The following SORCS2 variants were observed in gnomAD, a reference collection of about 807,000 sequenced individuals.
The protein encoded by SORCS2 is VPS10 domain-containing receptor SorCS2.
In SORCS2, 100 loss-of-function variants were observed where a neutral mutation model predicts 141.6. The ratio of observed to expected loss-of-function variants is 0.71; its 90% CI spans 0.60 to 0.83. SORCS2 has a LOEUF of 0.83. Ranked by LOEUF, SORCS2 falls within the 40% of genes least tolerant of loss-of-function variation. The probability of loss-of-function intolerance (pLI) is 0.00; values close to 1 mark genes in which losing one functional copy is unlikely to be tolerated. For missense variants in SORCS2, 1,646 were observed against 1,560.2 expected, an observed-to-expected ratio of 1.05 and a Z score of -0.93; for synonymous variants, 789 against 676.9, an observed-to-expected ratio of 1.17 and a Z score of -2.57.
chr4:7,680,637 G>A (rs909115632), intron 9 of SORCS2, among the ~76,000 whole-genome samples: 14 of 152,258 alleles, frequency 9.2e-5, no homozygotes, highest in Non-Finnish European at 2.9e-5. Flanking sequence ...AATACAGGCA[G>A]CTGAATGCTC....
At chr4:7,434,836 G>C in intron 2 of SORCS2, 1 of 1,593,492 alleles carries the variant, frequency 6.3e-7, no homozygotes, top group South Asian at 1.1e-5. Flanking sequence ...GCTGGCCCTG[G>C]TGGCCCCCAG....
At chr4:7,614,017 C>G (rs1426925765) in intron 3 of SORCS2, among the ~76,000 whole-genome samples, 1 of 151,794 alleles carries the variant, frequency 6.6e-6, no homozygotes, top group Non-Finnish European at 1.5e-5. Context: ...ATCATACACC[C>G]ATTCACCATC....
chr4:7,236,800 C>T (rs1187269793), intron 1 of SORCS2, among the ~76,000 whole-genome samples: 1 of 152,176 alleles, frequency 6.6e-6, no homozygotes, highest in African/African-American at 2.4e-5. Context: ...AGGCTGGTCT[C>T]GAACTCCTCA....
At chr4:7,424,095 C>A (rs913160873) in intron 2 of SORCS2, among the ~76,000 whole-genome samples, 1 of 152,164 alleles carries the variant, frequency 6.6e-6, no homozygotes, top group Admixed American at 6.5e-5. Flanking sequence ...ATTCCCAGGA[C>A]CTTGGTCCCT....
chr4:7,367,558 A>G (rs932211822), intron 1 of SORCS2, among the ~76,000 whole-genome samples: 1 of 152,160 alleles, frequency 6.6e-6, no homozygotes, highest in Non-Finnish European at 1.5e-5. Flanking sequence ...AGCTAGAGCT[A>G]TGGTTGCCAG....
intron 1 of SORCS2, among the ~76,000 whole-genome samples, chr4:7,248,102 C>T (rs114160981): frequency 0.024 from 3,638 of 152,250 alleles, 136 homozygotes; most frequent in African/African-American, 0.083. Context: ...AAGGTCTGGC[C>T]GGGCCTGAGC....
At chr4:7,287,929 C>T (rs73083741) in intron 1 of SORCS2, among the ~76,000 whole-genome samples, 1,528 of 152,336 alleles carry the variant, frequency 0.01, 29 homozygotes, top group African/African-American at 0.035. Flanking sequence ...CACATGCAGG[C>T]CGATTGGAGC....
At chr4:7,626,701 C>G (rs1414352460) in intron 3 of SORCS2, among the ~76,000 whole-genome samples, 2 of 152,226 alleles carry the variant, frequency 1.3e-5, no homozygotes, top group Non-Finnish European at 2.9e-5. Flanking sequence ...ATGGAACTCA[C>G]TACCATCTGA....
At chr4:7,309,606 T>C (rs918564534) in intron 1 of SORCS2, among the ~76,000 whole-genome samples, 6 of 152,286 alleles carry the variant, frequency 3.9e-5, no homozygotes, top group East Asian at 1.9e-4. Context: ...ATTTTTGAGG[T>C]ATTTTCAGCT....
intron 2 of SORCS2, among the ~76,000 whole-genome samples, chr4:7,500,669 C>T (rs557384192): frequency 3.3e-5 from 5 of 151,982 alleles, no homozygotes; most frequent in East Asian, 1.9e-4. Flanking sequence ...ACCAGTGTGC[C>T]GGCTGGAGAC....
chr4:7,318,226 GTAAGTCCCTGAAGATTATCCAGC>G (rs1050991556), intron 1 of SORCS2, among the ~76,000 whole-genome samples: 1 of 152,210 alleles, frequency 6.6e-6, no homozygotes, highest in African/African-American at 2.4e-5. Context: ...GCTCAGGGAG[GTAAGTCCCTGAAGATTATCCAGC>G]TAAGAGGTGG....
At chr4:7,621,582 T>G (rs1260884164) in intron 3 of SORCS2, among the ~76,000 whole-genome samples, 2 of 152,142 alleles carry the variant, frequency 1.3e-5, no homozygotes, top group African/African-American at 4.8e-5. Context: ...TATATGTGTG[T>G]GTTTATGTGT....
intron 11 of SORCS2, among the ~76,000 whole-genome samples, chr4:7,690,634 T>C (rs1724183483): frequency 1.3e-5 from 2 of 151,758 alleles, no homozygotes; most frequent in South Asian, 4.2e-4. Context: ...GGGTGGATGA[T>C]AGACGGATGA....
At chr4:7,210,876 C>T (rs1439248854) in intron 1 of SORCS2, among the ~76,000 whole-genome samples, 1 of 152,192 alleles carries the variant, frequency 6.6e-6, no homozygotes, top group African/African-American at 2.4e-5. Flanking sequence ...GAGCCCCCAA[C>T]AAGAGAAGCT....
chr4:7,669,550 T>C (rs890411940), intron 8 of SORCS2, among the ~76,000 whole-genome samples: 6 of 152,250 alleles, frequency 3.9e-5, no homozygotes, highest in Admixed American at 2.0e-4. Context: ...AAGTGGCTAA[T>C]TGAATTTCCT....
intron 1 of SORCS2, among the ~76,000 whole-genome samples, chr4:7,346,472 G>T (rs1375514753): frequency 6.6e-6 from 1 of 152,126 alleles, no homozygotes; most frequent in Non-Finnish European, 1.5e-5. Context: ...ATCTATCCAG[G>T]AGAATGTTTT....
At chr4:7,218,811 AG>A (rs1323227368) in intron 1 of SORCS2, among the ~76,000 whole-genome samples, 1 of 152,216 alleles carries the variant, frequency 6.6e-6, no homozygotes, top group Non-Finnish European at 1.5e-5. Flanking sequence ...ATGCCACCTT[AG>A]TTCATGTCCG....
Position 7,192,549 on chromosome 4 carries a change from G to C in SORCS2, c.-98G>C. On this transcript the variant is annotated 5_prime_UTR_variant, in exon 1 of 27. Transcript: ENST00000507866. This position sits in a 1 kb window ranked among gnomAD's most constrained non-coding sequence, Gnocchi z 4.0. Reference sequence around the variant, plus strand: ...TCCCCTCGCCGGCTCCTTTCTCTGCGCTCTCGCTCGCGCTCCCCAGCGCCC... The same window carrying C: ...TCCCCTCGCCGGCTCCTTTCTCTGCCCTCTCGCTCGCGCTCCCCAGCGCCC... The C allele has an allele frequency of 1.0e-6, 1 of 962,274 alleles. No individual in the cohort carries two copies. The highest frequency in any genetic ancestry group is 1.2e-6 in the Non-Finnish European group (1 of 809,436). 59.6% of individuals were successfully genotyped at this position (962,274 alleles called of 1,614,324 possible).
intron 3 of SORCS2, among the ~76,000 whole-genome samples, chr4:7,611,768 G>A (rs542860828): frequency 7.9e-5 from 12 of 152,356 alleles, no homozygotes; most frequent in Middle Eastern, 3.4e-3. Context: ...TTCAGTGCCC[G>A]TGAATGCCTC....
Sources: allele counts gnomAD v4.1 joint callset (sites outside exome capture counted in the v4.1 genomes callset), GRCh38; gene constraint gnomAD v4.1.1; non-coding constraint Gnocchi (gnomAD v3.1); transcripts MANE v1.5; gene names NCBI Gene and HGNC (gene_info 2026-07-23, HGNC 2026-07-21).